Variants in FAM81A observed in about 807,000 individuals in gnomAD.
The protein encoded by FAM81A is family with sequence similarity 81 member A.
FAM81A carries 19 observed loss-of-function variants against 46.7 expected under a neutral mutation model. The observed-to-expected ratio is 0.41, with a 90% CI of 0.28 to 0.60. The LOEUF (loss-of-function observed/expected upper bound fraction) is 0.60, where lower values mean the gene tolerates loss of function less well. Ranked by LOEUF, FAM81A falls within the 20% of genes least tolerant of loss-of-function variation. The probability of loss-of-function intolerance (pLI) is 0.34; values close to 1 mark genes in which losing one functional copy is unlikely to be tolerated. For missense variants in FAM81A, 377 were observed against 453.5 expected (o/e 0.83, Z 1.53); for synonymous variants, 183 against 152.9 (o/e 1.20, Z -1.45).
chr15:59,443,029 T>C (rs2081317052), intron 1 of FAM81A, among the ~76,000 whole-genome samples: 1 of 152,192 alleles, frequency 6.6e-6, no homozygotes, highest in African/African-American at 2.4e-5. Flanking sequence ...TCATGTATCA[T>C]CTATTGACCT....
rs374514480 is a variant in FAM81A, at chr15:59,511,410, A to T, written c.650+2441A>T. 2.8e-4 allele frequency among the ~76,000 whole-genome samples: 42 copies of T among 152,354 alleles called. 1 individual carries two copies. In the East Asian group the frequency reaches 6.6e-3, roughly 24 times the overall value. On this transcript the variant is annotated intron_variant, in intron 6 of 8. Coordinates refer to ENST00000288228, the MANE Select transcript of FAM81A (RefSeq NM_152450.3). ...ATTCTAAAAGAATAAAATTGGTATA[A>T]TTTCCAAACATTAGAAGAAATCCAA...
chr15:59,471,196 T>G (rs931692766), intron 3 of FAM81A, among the ~76,000 whole-genome samples: 3 of 152,242 alleles, frequency 2.0e-5, no homozygotes, highest in Non-Finnish European at 2.9e-5. Flanking sequence ...ACTGATTTTC[T>G]TTCTTGTTCT....
rs868547936 is a variant in FAM81A at position 59,453,947 on chromosome 15, T to C, written c.-77-4603T>C. 5.9e-5 allele frequency among the ~76,000 whole-genome samples: 9 copies of C among 152,256 alleles called. No individual in the cohort carries two copies. In the Middle Eastern group the frequency reaches 0.01, roughly 173 times the overall value. Reference sequence around the variant, plus strand: ...TTGGGCCTGCATGCACCACTGTGACTCCCCATCTCCTCTGACTCCTGCCTG... The same window carrying C: ...TTGGGCCTGCATGCACCACTGTGACCCCCCATCTCCTCTGACTCCTGCCTG... On this transcript the variant is annotated intron_variant, in intron 1 of 8. Transcript: ENST00000288228.
At chr15:59,495,562 A>C (rs1420283319) in intron 4 of FAM81A, among the ~76,000 whole-genome samples, 2 of 152,096 alleles carry the variant, frequency 1.3e-5, no homozygotes, top group Non-Finnish European at 2.9e-5. Flanking sequence ...TAACATGATA[A>C]CTCTATATTC....
intron 8 of FAM81A, among the ~76,000 whole-genome samples, chr15:59,518,859 G>GAT (rs1164340493): frequency 3.4e-5 from 5 of 148,688 alleles, no homozygotes; most frequent in South Asian, 2.1e-4. Flanking sequence ...TTTATATTTT[G>GAT]ATATATATAT....
chr15:59,441,850 C>G (rs2081301119), intron 1 of FAM81A, among the ~76,000 whole-genome samples: 1 of 152,324 alleles, frequency 6.6e-6, no homozygotes, highest in East Asian at 1.9e-4. Flanking sequence ...TTTCCTTTTC[C>G]TCCTCCCTTC....
At chr15:59,398,149 G>A (rs1567033402) in intron 1 of FAM81A, among the ~76,000 whole-genome samples, 1 of 152,272 alleles carries the variant, frequency 6.6e-6, no homozygotes, top group South Asian at 2.1e-4. Context: ...TGGCTTTCTG[G>A]TTCCTTACTG....
At chr15:59,398,933 G>T (rs1297549140) in intron 1 of FAM81A, among the ~76,000 whole-genome samples, 1 of 152,084 alleles carries the variant, frequency 6.6e-6, no homozygotes, top group Non-Finnish European at 1.5e-5. Context: ...ACTTTGGGAG[G>T]CCAAGACAGG....
intron 2 of FAM81A, among the ~76,000 whole-genome samples, chr15:59,409,251 C>G (rs533806902): frequency 1.3e-5 from 2 of 152,148 alleles, no homozygotes; most frequent in Admixed American, 6.5e-5. Context: ...GGGGCTCTCA[C>G]TCTCCTGCCT....
At chr15:59,416,608 C>G (rs2081147815) in intron 2 of FAM81A, among the ~76,000 whole-genome samples, 1 of 152,128 alleles carries the variant, frequency 6.6e-6, no homozygotes, top group African/African-American at 2.4e-5. Context: ...ACATCATCTG[C>G]TACAATCCCT....
At chr15:59,486,810 G>C (rs188548050) in intron 3 of FAM81A, among the ~76,000 whole-genome samples, 2 of 152,194 alleles carry the variant, frequency 1.3e-5, no homozygotes, top group African/African-American at 4.8e-5. Flanking sequence ...ACTTGAAGGA[G>C]AAATAAAGAC....
chr15:59,455,597 A>T (rs1346318524), intron 1 of FAM81A, among the ~76,000 whole-genome samples: 3 of 152,236 alleles, frequency 2.0e-5, no homozygotes, highest in Non-Finnish European at 4.4e-5. Flanking sequence ...GACCTGCCAG[A>T]TATGCAGATC....
At chr15:59,446,487 G>A (rs1284260709) in intron 1 of FAM81A, 2 of 152,226 alleles carry the variant, frequency 1.3e-5, no homozygotes, top group Non-Finnish European at 2.9e-5. Context: ...GAAGAGCACT[G>A]TCAAATGTTG....
At position 59,514,304 on chromosome 15, in the gene FAM81A, T is replaced by G. The variant is rs1179497752; in HGVS notation, c.666T>G (p.Val222=). Reference sequence around the variant, plus strand: ...TTTTTTTTAGATTTAAAGGTACAGTTGAGGAACTCAGTAACCAGATATTAT... The same window carrying G: ...TTTTTTTTAGATTTAAAGGTACAGTGGAGGAACTCAGTAACCAGATATTAT... ...QLLDTKFKGT[V]EELSNQILSA... The change falls in exon 7 of 9, where the codon GTT becomes GTG. Residue 222 remains valine (V), a synonymous_variant. Transcript: ENST00000288228. The G allele has an allele frequency of 6.2e-7, 1 of 1,606,556 alleles. No individual in the cohort carries two copies. Among genetic ancestry groups the G allele is most frequent in the Non-Finnish European group, 8.5e-7 (1 of 1,177,528 alleles).
rs74764836 is a variant in FAM81A, at chr15:59,460,311, T to C, written c.294+105T>C. On this transcript the variant is annotated intron_variant, in intron 3 of 8. Transcript: ENST00000288228. The surrounding 1 kb of genome is among the most constrained non-coding windows in gnomAD (Gnocchi z 4.4). ...CCTACCTCCCAGGCAGTACTGCATTTAGAACAAAGCTGTCTGTCTTGTCTA... is the reference window on the plus strand; with the variant it reads ...CCTACCTCCCAGGCAGTACTGCATTCAGAACAAAGCTGTCTGTCTTGTCTA... 35,288 of 1,421,938 alleles carry C rather than the reference T, an allele frequency of 0.025. 539 individuals are homozygous for C. The highest frequency in any genetic ancestry group is 0.03 in the Non-Finnish European group (30,014 of 1,009,826). The allele number at this position is 1,421,938 out of a possible 1,614,324, so 88.1% of individuals were successfully genotyped here.
chr15:59,471,130 A>G (rs914474384), intron 3 of FAM81A, among the ~76,000 whole-genome samples: 2 of 152,146 alleles, frequency 1.3e-5, no homozygotes, highest in African/African-American at 4.8e-5. Flanking sequence ...CATACTTTGT[A>G]TATTTTTAAC....
chr15:59,508,641 C>G (rs1339036510), intron 5 of FAM81A, among the ~76,000 whole-genome samples: 3 of 152,028 alleles, frequency 2.0e-5, no homozygotes, highest in African/African-American at 7.3e-5. Context: ...AAATTAAGTG[C>G]TTAGTGCAGG....
Position 59,518,733 on chromosome 15 carries a change from C to T in FAM81A, c.982+1893C>T, listed in dbSNP as rs117006476. Among the ~76,000 whole-genome samples, 134 of 152,012 alleles carry T rather than the reference C, an allele frequency of 8.8e-4. 1 individual carries two copies. The East Asian group carries it at 0.025, about 28-fold the overall frequency. On this transcript the variant is annotated intron_variant, in intron 8 of 8. Coordinates refer to ENST00000288228, the MANE Select transcript of FAM81A (RefSeq NM_152450.3). ...ATATTTTTTAATATTCAATTTTCAACGTGCCATTATTTCCTTTATAGCAAC... is the reference window on the plus strand; with the variant it reads ...ATATTTTTTAATATTCAATTTTCAATGTGCCATTATTTCCTTTATAGCAAC...
Position 59,460,303 on chromosome 15 carries a change from A to G in FAM81A, c.294+97A>G. ...ATCTAACTCCTACCTCCCAGGCAGT[A>G]CTGCATTTAGAACAAAGCTGTCTGT... On this transcript the variant is annotated intron_variant, in intron 3 of 8. Coordinates refer to ENST00000288228, the MANE Select transcript of FAM81A (RefSeq NM_152450.3). The surrounding 1 kb of genome is among the most constrained non-coding windows in gnomAD (Gnocchi z 4.4). 2 of 1,493,796 alleles carry G rather than the reference A, an allele frequency of 1.3e-6. No individual in the cohort carries two copies. The allele number at this position is 1,493,796 out of a possible 1,614,324, so 92.5% of individuals were successfully genotyped here.
Sources: allele counts gnomAD v4.1 joint callset (sites outside exome capture counted in the v4.1 genomes callset), GRCh38; gene constraint gnomAD v4.1.1; non-coding constraint Gnocchi (gnomAD v3.1); transcripts MANE v1.5; gene names NCBI Gene and HGNC (gene_info 2026-07-23, HGNC 2026-07-21).